The following PUS3 variants were observed in gnomAD, a reference collection of about 807,000 sequenced individuals.
PUS3 encodes pseudouridine synthase 3, also known as tRNA pseudouridine(38/39) synthase.
PUS3 carries 36 observed loss-of-function variants against 43.3 expected under a neutral mutation model. That is an observed-to-expected ratio of 0.83 (90% CI 0.64 to 1.10). PUS3 has a LOEUF of 1.10. PUS3 is among the 50% of genes least tolerant of loss of function. The pLI is 0.00. For missense variants in PUS3, 544 were observed against 589.9 expected, an observed-to-expected ratio of 0.92 and a Z score of 0.81; for synonymous variants, 183 against 199.2, an observed-to-expected ratio of 0.92 and a Z score of 0.69.
In PUS3 at chr11:125,893,905, G is replaced by A. The variant is rs1189026420; in HGVS notation, c.1326C>T (p.Phe442=). Residue 442 remains phenylalanine, a synonymous_variant, in exon 4 of 4, where the codon TTC becomes TTT. Coordinates refer to ENST00000227474, the MANE Select transcript of PUS3 (RefSeq NM_031307.4). ...TTTTGGCTTTTGTTTCTTCCTCATG[G>A]AATAAATGTGGGTGCTCAATTCGTC... The part of the protein sequence containing the change: ...RRGRIEHPHL[F]HEEETKAKRD... 10 of 1,613,982 alleles carry A rather than the reference G, an allele frequency of 6.2e-6. No homozygotes were observed. The Admixed American group carries it at 1.7e-4, about 27-fold the overall frequency.
chr11:125,896,288 A>G lies in PUS3; in HGVS notation c.-4T>C, dbSNP rs1944588265. 1.9e-6 allele frequency: 3 copies of G among 1,601,068 alleles called. No homozygotes were observed. Among genetic ancestry groups the G allele is most frequent in the Non-Finnish European group, 2.6e-6 (3 of 1,169,126 alleles). ...TGTCTGTGTCATTATAAGCCATGAT[A>G]TGACAACCCCAGGAATAAACGAACC... is the stretch of plus-strand genomic sequence containing the variant. On this transcript the variant is annotated 5_prime_UTR_variant, in exon 2 of 4. Coordinates refer to ENST00000227474, the MANE Select transcript of PUS3 (RefSeq NM_031307.4).
Position 125,900,696 on chromosome 11 carries a change from C to T in PUS3, c.-47+2474G>A, listed in dbSNP as rs936166401. On this transcript the variant is annotated intron_variant, in intron 1 of 3. Coordinates refer to ENST00000227474, the MANE Select transcript of PUS3 (RefSeq NM_031307.4). The stretch of plus-strand genomic sequence containing the variant: ...ATACTTGCCTAAGATGATCTTGAAC[C>T]TGGGCTATGATGAGAGCTCAAAAGA... 1.2e-5 allele frequency: 3 copies of T among 242,950 alleles called. No homozygotes were observed. The Admixed American group carries it at 1.6e-4, about 13-fold the overall frequency. 15.0% of individuals were successfully genotyped at this position (242,950 alleles called of 1,614,324 possible).
Position 125,894,157 on chromosome 11 carries a change from T to G in PUS3, c.1074A>C (p.Lys358Asn). 6.2e-7 allele frequency: 1 copy of G among 1,614,176 alleles called. No individual in the cohort carries two copies. Among genetic ancestry groups the G allele is most frequent in the Non-Finnish European group, 8.5e-7 (1 of 1,180,028 alleles). Residue 358 changes from lysine (K) to asparagine (N), a missense_variant, in exon 4 of 4, where the codon AAA becomes AAC. Transcript: ENST00000227474. ...LQQLWANHAV[K>N]THMLYSMLQG... The stretch of plus-strand genomic sequence containing the variant: ...GTAGCATACTATACAACATGTGAGT[T>G]TTGACAGCATGATTAGCCCACAGTT...
rs527503041 is a variant in PUS3, at chr11:125,902,317, A to G, written c.-47+853T>C. 7.4e-5 allele frequency among the ~76,000 whole-genome samples: 9 copies of G among 121,000 alleles called. No individual in the cohort carries two copies. The East Asian group carries it at 2.3e-3, about 30-fold the overall frequency. The allele number at this position is 121,000 out of a possible 152,430, so 79.4% of individuals were successfully genotyped here. ...CACCAGATGTTCCATACATTGGGCC[A>G]GGCGCCGTGGCTCACGCCTGTCATC... On this transcript the variant is annotated intron_variant, in intron 1 of 3. Coordinates refer to ENST00000227474, the MANE Select transcript of PUS3 (RefSeq NM_031307.4).
Position 125,903,174 on chromosome 11 carries a change from C to G in PUS3, c.-51G>C, listed in dbSNP as rs1316472652. ...CTCCAAAAATCCCACACTTACTTTCCGGCAGCCGGCCGCGCCGCGTTTCCG... is the reference window on the plus strand; with the variant it reads ...CTCCAAAAATCCCACACTTACTTTCGGGCAGCCGGCCGCGCCGCGTTTCCG... On this transcript the variant is annotated 5_prime_UTR_variant, in exon 1 of 4. Coordinates refer to ENST00000227474, the MANE Select transcript of PUS3 (RefSeq NM_031307.4). 1 of 985,464 alleles carries G rather than the reference C, an allele frequency of 1.0e-6. No individual in the cohort carries two copies. The highest frequency in any genetic ancestry group is 1.2e-6 in the Non-Finnish European group (1 of 829,922). The allele number at this position is 985,464 out of a possible 1,614,324, so 61.0% of individuals were successfully genotyped here. A position where few individuals can be genotyped will look rare whatever the true frequency, so the allele number is the denominator to read the frequency against.
In PUS3 at chr11:125,896,299, A is replaced by G. The variant is rs1039966940; in HGVS notation, c.-15T>C. 7 of 1,592,442 alleles carry G rather than the reference A, an allele frequency of 4.4e-6. No homozygotes were observed. The African/African-American group carries it at 8.1e-5, about 18-fold the overall frequency. ...TTATAAGCCATGATATGACAACCCC[A>G]GGAATAAACGAACCATACAGGTCTG... On this transcript the variant is annotated 5_prime_UTR_variant, in exon 2 of 4. Transcript: ENST00000227474.
In PUS3 at chr11:125,895,901, C is replaced by T. The variant is rs770470861; in HGVS notation, c.378+6G>A. The T allele has an allele frequency of 6.2e-7, 1 of 1,610,714 alleles. No homozygotes were observed. Among genetic ancestry groups the T allele is most frequent in the Admixed American group, 1.7e-5 (1 of 59,968 alleles). ...TTGCTTTGAGAAACAGTGTATTGGC[C>T]CTTACCTGTCCAAAGGCACTAACTC... is the stretch of plus-strand genomic sequence containing the variant. On this transcript the variant is annotated splice_donor_region_variant and intron_variant, in intron 2 of 3. Transcript: ENST00000227474.
chr11:125,899,633 C>G, intron 1 of PUS3: 1 of 1,614,176 alleles, frequency 6.2e-7, no homozygotes, highest in South Asian at 1.1e-5. Context: ...CTCCCAAAGA[C>G]TCCGAAAGCC....
At chr11:125,898,787 C>T (rs989166185) in intron 1 of PUS3, among the ~76,000 whole-genome samples, 14 of 151,172 alleles carry the variant, frequency 9.3e-5, no homozygotes, top group African/African-American at 3.4e-4. Flanking sequence ...TAGATCAAAT[C>T]ACTCTTTTAT....
Position 125,899,713 on chromosome 11 carries a change from C to T in PUS3, c.-46-3383G>A, listed in dbSNP as rs139038200. On this transcript the variant is annotated intron_variant, in intron 1 of 3. Transcript: ENST00000227474. The stretch of plus-strand genomic sequence containing the variant: ...TATTAGTAACAGATGAGTCGATTAT[C>T]AGTGAATCAGAATCTGGTACAGAAA... 130 of 1,614,104 alleles carry T rather than the reference C, an allele frequency of 8.1e-5. No individual in the cohort carries two copies. The highest frequency in any genetic ancestry group is 1.1e-4 in the Non-Finnish European group (126 of 1,179,964).
At chr11:125,896,758 C>T (rs186697913) in intron 1 of PUS3, among the ~76,000 whole-genome samples, 74 of 152,210 alleles carry the variant, frequency 4.9e-4, no homozygotes, top group African/African-American at 1.7e-3. Flanking sequence ...GTTTCTATTG[C>T]TTTCCATTAT....
At chr11:125,898,795 T>C (rs1459070255) in intron 1 of PUS3, among the ~76,000 whole-genome samples, 7 of 152,092 alleles carry the variant, frequency 4.6e-5, no homozygotes, top group Admixed American at 4.6e-4. Context: ...ATCACTCTTT[T>C]ATGGTTAAAA....
chr11:125,903,057 G>T, intron 1 of PUS3, 113 bp downstream of exon 1: 2 of 364,454 alleles, frequency 5.5e-6, no homozygotes, highest in Non-Finnish European at 7.6e-6. Context: ...AAAGACCAAA[G>T]TATGTGAAAG....
rs1343391368 is a variant in PUS3, at chr11:125,895,658, T to C, written c.510A>G (p.Pro170=). 1 of 1,614,218 alleles carries C rather than the reference T, an allele frequency of 6.2e-7. No individual in the cohort carries two copies. Among genetic ancestry groups the C allele is most frequent in the South Asian group, 1.1e-5 (1 of 91,082 alleles). ...YTHILNRVLP[P]DIRILAWAPV... Reference sequence around the variant, plus strand: ...GGGCCCAGGCCAATATACGGATGTCTGGAGGGAGTACCCGATTGAGAATGT... The same window carrying C: ...GGGCCCAGGCCAATATACGGATGTCCGGAGGGAGTACCCGATTGAGAATGT... Residue 170 remains proline, a synonymous_variant, in exon 3 of 4, where the codon CCA becomes CCG. Transcript: ENST00000227474.
chr11:125,893,814 C>G lies in PUS3; in HGVS notation c.1417G>C (p.Val473Leu). 6.2e-7 allele frequency: 1 copy of G among 1,613,566 alleles called. No individual in the cohort carries two copies. The highest frequency in any genetic ancestry group is 8.5e-7 in the Non-Finnish European group (1 of 1,179,810). ...NLETPTKRVC[V>L]DTEIKSII Reference sequence around the variant, plus strand: ...ATGATGCTTTTAATTTCTGTGTCAACACAGACCCTCTTCGTTGGTGTCTCC... The same window carrying G: ...ATGATGCTTTTAATTTCTGTGTCAAGACAGACCCTCTTCGTTGGTGTCTCC... Residue 473 changes from valine to leucine, a missense_variant, in exon 4 of 4, where the codon GTT becomes CTT. Val to Leu is a conservative substitution (Grantham distance 32). Transcript: ENST00000227474.
chr11:125,901,587 ATC>A (rs985381547), intron 1 of PUS3, among the ~76,000 whole-genome samples: 2 of 152,248 alleles, frequency 1.3e-5, no homozygotes, highest in African/African-American at 4.8e-5. Flanking sequence ...GACCGTTACT[ATC>A]TGCGAAAATC....
intron 1 of PUS3, among the ~76,000 whole-genome samples, chr11:125,898,853 C>G (rs991275665): frequency 1.3e-5 from 2 of 151,968 alleles, no homozygotes; most frequent in African/African-American, 4.8e-5. Context: ...AATTTCAGCT[C>G]CACTACTTAC....
At chr11:125,897,834 A>T (rs536183548) in intron 1 of PUS3, among the ~76,000 whole-genome samples, 2 of 152,276 alleles carry the variant, frequency 1.3e-5, no homozygotes, top group African/African-American at 4.8e-5. Flanking sequence ...CTTTTGGCCC[A>T]CCTCTCCCAT....
In PUS3 at chr11:125,899,989, G is replaced by T. The variant is rs912096192; in HGVS notation, c.-47+3181C>A. ...AGCTGGACCAGTTAAGCCGAAACCG[G>T]GGCAAGACAGACCGGGTAGCCCGGT... On this transcript the variant is annotated intron_variant, in intron 1 of 3. Coordinates refer to ENST00000227474, the MANE Select transcript of PUS3 (RefSeq NM_031307.4). 4 of 1,614,090 alleles carry T rather than the reference G, an allele frequency of 2.5e-6. No individual in the cohort carries two copies. The African/African-American group carries it at 5.3e-5, about 22-fold the overall frequency.
Sources: gnomAD v4.1 joint callset for allele counts (sites outside exome capture counted in the v4.1 genomes callset) on GRCh38, gnomAD v4.1.1 for gene constraint, MANE v1.5 for transcripts, NCBI Gene and HGNC (gene_info 2026-07-23, HGNC 2026-07-21) for gene names.